The following RSRC1 variants were observed in gnomAD, a reference collection of about 807,000 sequenced individuals.
The protein encoded by RSRC1 is serine/Arginine-related protein 53.
Under a neutral mutation model 49.1 loss-of-function variants are expected in RSRC1, and 39 were observed. The observed-to-expected ratio is 0.79, with a 90% CI of 0.61 to 1.04. RSRC1 has a LOEUF of 1.04. Among genes scored for constraint, RSRC1 ranks in the 50% least tolerant of loss-of-function variants. The probability of loss-of-function intolerance (pLI) is 0.00; values close to 1 mark genes in which losing one functional copy is unlikely to be tolerated. For synonymous variants in RSRC1, 143 were observed against 130.8 expected (o/e 1.09, Z -0.63); for missense variants, 388 against 402.4 (o/e 0.96, Z 0.31).
intron 6 of RSRC1, among the ~76,000 whole-genome samples, chr3:158,386,354 A>T (rs1732964708): frequency 6.6e-6 from 1 of 152,052 alleles, no homozygotes; most frequent in African/African-American, 2.4e-5. Flanking sequence ...ATCAATTTAA[A>T]ATATTTATTT....
rs1729566112 is a variant in RSRC1 at position 158,331,856 on chromosome 3, T to C, written c.532-23001T>C. Among the ~76,000 whole-genome samples, 5 of 151,080 alleles carry C rather than the reference T, an allele frequency of 3.3e-5. No individual in the cohort carries two copies. In the South Asian group the frequency reaches 8.3e-4, roughly 25 times the overall value. The stretch of plus-strand genomic sequence containing the variant: ...TTTTTTAAGTATAAGTGGGTGTTAA[T>C]CATGTGGTAAAGAGTTGGATTATCA... On this transcript the variant is annotated intron_variant, in intron 5 of 9. Coordinates refer to ENST00000611884, the MANE Select transcript of RSRC1 (RefSeq NM_001271838.2).
chr3:158,311,129 A>G (rs968424984), intron 5 of RSRC1, among the ~76,000 whole-genome samples: 1 of 151,882 alleles, frequency 6.6e-6, no homozygotes, highest in Non-Finnish European at 1.5e-5. Flanking sequence ...ATCATTCCCT[A>G]TACTGAACTA....
At chr3:158,238,620 G>T (rs372341787) in intron 4 of RSRC1, among the ~76,000 whole-genome samples, 6 of 152,296 alleles carry the variant, frequency 3.9e-5, no homozygotes, top group Admixed American at 1.3e-4. Context: ...ATGGGGAAAG[G>T]ATTCCCTGTT....
chr3:158,180,168 T>C (rs1299877968), intron 3 of RSRC1, among the ~76,000 whole-genome samples: 1 of 152,038 alleles, frequency 6.6e-6, no homozygotes, highest in Non-Finnish European at 1.5e-5. Context: ...TGTCTTTTCA[T>C]CCTCTTCACA....
At chr3:158,360,218 G>A (rs925867415) in intron 6 of RSRC1, among the ~76,000 whole-genome samples, 21 of 152,166 alleles carry the variant, frequency 1.4e-4, no homozygotes, top group African/African-American at 4.1e-4. Flanking sequence ...GCTCTCAGCA[G>A]AGAAGGTAGC....
chr3:158,118,470 C>CGCGA (rs1259528744), intron 1 of RSRC1, among the ~76,000 whole-genome samples: 2 of 110,156 alleles, frequency 1.8e-5, no homozygotes, highest in Non-Finnish European at 3.7e-5. Context: ...TGTGCGCGTG[C>CGCGA]GCGTGGTTTT....
chr3:158,403,954 G>T (rs965443456), intron 6 of RSRC1, among the ~76,000 whole-genome samples: 5 of 151,762 alleles, frequency 3.3e-5, no homozygotes, highest in African/African-American at 9.7e-5. Context: ...TGTGAATTTT[G>T]TCAATAAATG....
intron 5 of RSRC1, among the ~76,000 whole-genome samples, chr3:158,334,442 T>C (rs186883815): frequency 2.8e-3 from 424 of 152,044 alleles, no homozygotes; most frequent in African/African-American, 9.9e-3. Context: ...GGAGAATCTC[T>C]TGGTTTAGCT....
At chr3:158,473,689 T>G (rs1196402558) in intron 7 of RSRC1, among the ~76,000 whole-genome samples, 1 of 152,086 alleles carries the variant, frequency 6.6e-6, no homozygotes, top group Non-Finnish European at 1.5e-5. Flanking sequence ...AGAAATGTCC[T>G]TTTTTCACCT....
intron 3 of RSRC1, among the ~76,000 whole-genome samples, chr3:158,161,474 T>C (rs951430990): frequency 6.6e-6 from 1 of 151,990 alleles, no homozygotes; most frequent in Admixed American, 6.6e-5. Context: ...TAATTTTAAA[T>C]GTGTGGGGCA....
At chr3:158,125,914 T>C (rs889655177) in intron 3 of RSRC1, among the ~76,000 whole-genome samples, 2 of 152,184 alleles carry the variant, frequency 1.3e-5, no homozygotes, top group African/African-American at 4.8e-5. Context: ...ATATAATTGT[T>C]ATATATTCCA....
intron 7 of RSRC1, among the ~76,000 whole-genome samples, chr3:158,518,148 A>ATATATTTTTTTT (rs1310027981): frequency 1.1e-4 from 5 of 44,138 alleles, no homozygotes; most frequent in African/African-American, 7.7e-4. Flanking sequence ...ATATATATAT[A>ATATATTTTTTTT]TTTTTTTTTT....
At chr3:158,127,519 G>C (rs551972181) in intron 3 of RSRC1, among the ~76,000 whole-genome samples, 4 of 150,714 alleles carry the variant, frequency 2.7e-5, no homozygotes, top group Admixed American at 2.0e-4. Flanking sequence ...TAGCATTTTT[G>C]CTTTTTTTTT....
In RSRC1 at chr3:158,353,995, C is replaced by CTTTT. The variant is rs1230649090; in HGVS notation, c.532-844_532-841dup. Among the ~76,000 whole-genome samples the CTTTT allele has an allele frequency of 8.7e-3, 841 of 96,262 alleles. 27 individuals carry two copies. Among genetic ancestry groups the CTTTT allele is most frequent in the East Asian group, 0.03 (94 of 3,156 alleles). The allele number at this position is 96,262 out of a possible 152,430, so 63.2% of individuals were successfully genotyped here. Reference sequence around the variant, plus strand: ...TAGGAAATTAGTTTAGTTTCTTTTTCTTTTTTTTTTTTTTTTTTTTTGAGA... The same window carrying CTTTT: ...TAGGAAATTAGTTTAGTTTCTTTTTCTTTTTTTTTTTTTTTTTTTTTTTTTGAGA... On this transcript the variant is annotated intron_variant, in intron 5 of 9. Coordinates refer to ENST00000611884, the MANE Select transcript of RSRC1 (RefSeq NM_001271838.2).
chr3:158,327,749 T>G (rs992382813), intron 5 of RSRC1, among the ~76,000 whole-genome samples: 2 of 152,100 alleles, frequency 1.3e-5, no homozygotes, highest in Non-Finnish European at 2.9e-5. Flanking sequence ...CTATTAGGTC[T>G]GCTTGGTGAA....
chr3:158,202,417 G>A (rs370996707), intron 3 of RSRC1, among the ~76,000 whole-genome samples: 11 of 151,480 alleles, frequency 7.3e-5, no homozygotes, highest in Admixed American at 1.3e-4. Context: ...AGAGGCAGAG[G>A]TGGGGTTTGC....
At chr3:158,315,504 A>G (rs562987674) in intron 5 of RSRC1, among the ~76,000 whole-genome samples, 3 of 152,348 alleles carry the variant, frequency 2.0e-5, no homozygotes, top group South Asian at 4.1e-4. Flanking sequence ...TATAGATGTC[A>G]GCTGTGCAAC....
At chr3:158,352,077 C>T (rs997785161) in intron 5 of RSRC1, among the ~76,000 whole-genome samples, 1 of 151,792 alleles carries the variant, frequency 6.6e-6, no homozygotes, top group Admixed American at 6.6e-5. Flanking sequence ...TGAGACCAAC[C>T]TGGGCAACAT....
chr3:158,322,179 G>A lies in RSRC1; in HGVS notation c.531+24104G>A, dbSNP rs542505343. ...TGATTTCTTGATTTTTTGTTTCTAT[G>A]TGAATGTTTTTATTTCGTGTTTATT... is the stretch of plus-strand genomic sequence containing the variant. On this transcript the variant is annotated intron_variant, in intron 5 of 9. Transcript: ENST00000611884. Among the ~76,000 whole-genome samples the A allele has an allele frequency of 1.1e-4, 17 of 152,238 alleles. No homozygotes were observed. In the South Asian group the frequency reaches 3.5e-3, roughly 32 times the overall value.
Sources: allele counts gnomAD v4.1 joint callset (sites outside exome capture counted in the v4.1 genomes callset), GRCh38; gene constraint gnomAD v4.1.1; transcripts MANE v1.5; gene names NCBI Gene and HGNC (gene_info 2026-07-23, HGNC 2026-07-21).